GPN1: variants seen among roughly 807,000 people sequenced by gnomAD.
GPN1 encodes the protein ATP(GTP)-binding protein.
A neutral mutation model predicts 55.9 loss-of-function variants in GPN1; 44 were observed. The ratio of observed to expected loss-of-function variants is 0.79; its 90% confidence interval spans 0.62 to 1.01. The LOEUF (loss-of-function observed/expected upper bound fraction) is 1.01. Ranked by LOEUF, GPN1 falls within the 50% of genes least tolerant of loss-of-function variation. The pLI is 0.00. For missense variants in GPN1, 466 were observed against 462.8 expected, an observed-to-expected ratio of 1.01 and a Z score of -0.06; for synonymous variants, 179 against 162.5, an observed-to-expected ratio of 1.10 and a Z score of -0.77.
At chr2:27,631,242 TTC>T (rs1673541409) in intron 3 of GPN1, 176 bp downstream of exon 3, 1 of 596,034 alleles carries the variant, frequency 1.7e-6, no homozygotes, top group African/African-American at 1.9e-5. Context: ...GATTTTAGTT[TTC>T]TTACCATCTC....
rs1229863307 is a variant in GPN1, at chr2:27,642,632, C to T, written c.931+113C>T. ...ACTCTTGTTGCCCAGGCTGGAGTCT[C>T]GGCTCACCACAACCTCCACCTCCCA... is the stretch of plus-strand genomic sequence containing the variant. On this transcript the variant is annotated intron_variant, in intron 12 of 13. Coordinates refer to ENST00000610189, the MANE Select transcript of GPN1 (RefSeq NM_007266.4). The T allele has an allele frequency of 2.9e-5, 19 of 653,876 alleles. No individual in the cohort carries two copies. In the East Asian group the frequency reaches 3.4e-4, roughly 12 times the overall value. The allele number at this position is 653,876 out of a possible 1,614,324, so 40.5% of individuals were successfully genotyped here.
Position 27,634,871 on chromosome 2 carries a change from C to G in GPN1, c.376C>G (p.Gln126Glu). ...ATATGTGTTGATTGACACACCTGGA[C>G]AGATTGAGGTATTCACCTGGTCAGC... is the stretch of plus-strand genomic sequence containing the variant. ...SKYVLIDTPG[Q>E]IEVFTWSASG... Residue 126 changes from glutamine to glutamate, a missense_variant, in exon 6 of 14, where the codon CAG becomes GAG. Physicochemically the swap from Gln to Glu is conservative, Grantham distance 29. Coordinates refer to ENST00000610189, the MANE Select transcript of GPN1 (RefSeq NM_007266.4). 3.1e-6 allele frequency: 5 copies of G among 1,595,120 alleles called. No homozygotes were observed. The highest frequency in any genetic ancestry group is 3.4e-6 in the Non-Finnish European group (4 of 1,162,694).
rs1297764271 is a variant in GPN1, at chr2:27,644,723, G to GTTTT, written c.931+2221_931+2224dup. The stretch of plus-strand genomic sequence containing the variant: ...CTTAGTGAGTTTTTTTTTTGGTAGT[G>GTTTT]TTTTTTTTTTTTTTTTTTTTACAGA... On this transcript the variant is annotated intron_variant, in intron 12 of 13. Transcript: ENST00000610189. Among the ~76,000 whole-genome samples the GTTTT allele has an allele frequency of 2.1e-4, 21 of 101,738 alleles. 1 individual carries two copies. The highest frequency in any genetic ancestry group is 6.6e-4 in the African/African-American group (17 of 25,810). The allele number at this position is 101,738 out of a possible 152,430, so 66.7% of individuals were successfully genotyped here. A position where few individuals can be genotyped will look rare whatever the true frequency, so the allele number is the denominator to read the frequency against.
rs1673838065 is a variant in GPN1 at position 27,638,953 on chromosome 2, G to C, written c.639G>C (p.Leu213Phe). The C allele has an allele frequency of 1.2e-6, 2 of 1,613,332 alleles. No homozygotes were observed. Among genetic ancestry groups the C allele is most frequent in the African/African-American group, 2.7e-5 (2 of 74,904 alleles). ...MQDFEAFQDA[L>F]NQETTYVSNL... is the part of the protein sequence containing the mutation. ...ATTTTGAGGCTTTCCAAGATGCCTT[G>C]AATCAAGAGACTACATACGTCAGTA... The change falls in exon 9 of 14, where the codon TTG becomes TTC. Residue 213 changes from leucine to phenylalanine, a missense_variant. Coordinates refer to ENST00000610189, the MANE Select transcript of GPN1 (RefSeq NM_007266.4).
chr2:27,651,273 A>G lies in GPN1; in HGVS notation c.*1073A>G, dbSNP rs567345403. 13 of 152,330 alleles carry G rather than the reference A, an allele frequency of 8.5e-5. No homozygotes were observed. The highest frequency in any genetic ancestry group is 7.2e-4 in the Admixed American group (11 of 15,300). The allele number at this position is 152,330 out of a possible 1,614,324, so 9.4% of individuals were successfully genotyped here. A position where few individuals can be genotyped will look rare whatever the true frequency, so the allele number is the denominator to read the frequency against. On this transcript the variant is annotated 3_prime_UTR_variant, in exon 14 of 14. Transcript: ENST00000610189. ...TCAGCATCATCTGGGGAATTGTTCAACTTACCTCTTATAACCTATGAACTC... is the reference window on the plus strand; with the variant it reads ...TCAGCATCATCTGGGGAATTGTTCAGCTTACCTCTTATAACCTATGAACTC...
At chr2:27,647,628 T>G (rs368703236) in intron 12 of GPN1, among the ~76,000 whole-genome samples, 1 of 152,252 alleles carries the variant, frequency 6.6e-6, no homozygotes, top group East Asian at 1.9e-4. Flanking sequence ...ATGGGACTCC[T>G]AGGGCTATTT....
rs771357484 is a variant in GPN1 at position 27,629,052 on chromosome 2, G to C, written c.-7G>C. The C allele has an allele frequency of 6.2e-7, 1 of 1,614,194 alleles. No individual in the cohort carries two copies. Among genetic ancestry groups the C allele is most frequent in the East Asian group, 2.2e-5 (1 of 44,882 alleles). ...TCTATGGTCGGGTGGGTGGGGCCAG[G>C]AGGAAGATGGCGGCGTCCGCAGCTG... is the stretch of plus-strand genomic sequence containing the variant. On this transcript the variant is annotated 5_prime_UTR_variant, in exon 1 of 14. Coordinates refer to ENST00000610189, the MANE Select transcript of GPN1 (RefSeq NM_007266.4).
At chr2:27,630,933 C>G in intron 2 of GPN1, 94 bp from the exon 3 acceptor site, 1 of 714,636 alleles carries the variant, frequency 1.4e-6, no homozygotes, top group Non-Finnish European at 2.6e-6. Flanking sequence ...GAAGAGAATG[C>G]TGACAGGAGA....
At chr2:27,628,969 T>C (rs542814806), upstream of GPN1, 79 of 1,581,228 alleles carry the variant, frequency 5.0e-5, no homozygotes, top group East Asian at 1.3e-3. Flanking sequence ...TCTGACGCTG[T>C]GGTGGTTTTC....
intron 13 of GPN1, 31 bp downstream of exon 13, chr2:27,647,974 C>T (rs1342229914): frequency 2.5e-6 from 3 of 1,203,014 alleles, no homozygotes; most frequent in Non-Finnish European, 3.7e-6. Context: ...CCCGTGGCAA[C>T]AGAGCATCTG....
At chr2:27,637,983 A>G (rs1485413800) in intron 7 of GPN1, among the ~76,000 whole-genome samples, 1 of 152,202 alleles carries the variant, frequency 6.6e-6, no homozygotes, top group Non-Finnish European at 1.5e-5. Context: ...AAACAAGTTC[A>G]ATATTAAGGC....
chr2:27,651,267 T>G lies in GPN1; in HGVS notation c.*1067T>G, dbSNP rs1344957533. 6.6e-6 allele frequency: 1 copy of G among 152,272 alleles called. No individual in the cohort carries two copies. Among genetic ancestry groups the G allele is most frequent in the African/African-American group, 2.4e-5 (1 of 41,462 alleles). The allele number at this position is 152,272 out of a possible 1,614,324, so 9.4% of individuals were successfully genotyped here. On this transcript the variant is annotated 3_prime_UTR_variant, in exon 14 of 14. Coordinates refer to ENST00000610189, the MANE Select transcript of GPN1 (RefSeq NM_007266.4). ...GGAGCATCAGCATCATCTGGGGAAT[T>G]GTTCAACTTACCTCTTATAACCTAT...
chr2:27,638,593 A>G (rs1052172710), intron 8 of GPN1, among the ~76,000 whole-genome samples: 16 of 152,200 alleles, frequency 1.1e-4, no homozygotes, highest in African/African-American at 3.9e-4. Context: ...GTTGATGGCT[A>G]GGATGCAAGA....
chr2:27,640,273 G>C, intron 10 of GPN1, 148 bp downstream of exon 10: 2 of 659,786 alleles, frequency 3.0e-6, no homozygotes, highest in Non-Finnish European at 5.4e-6. Flanking sequence ...ACCACACTTA[G>C]GGGTGACAAG....
chr2:27,644,118 T>C (rs1053180076), intron 12 of GPN1, among the ~76,000 whole-genome samples: 1 of 152,288 alleles, frequency 6.6e-6, no homozygotes, highest in South Asian at 2.1e-4. Context: ...GAAGTTGCAG[T>C]GAGCAAAGAT....
At chr2:27,639,951 AC>A in intron 9 of GPN1, 91 bp from the exon 10 acceptor site, 1 of 920,158 alleles carries the variant, frequency 1.1e-6, no homozygotes, top group Non-Finnish European at 1.8e-6. Context: ...AACCACTCTT[AC>A]TAAGATTTTA....
At chr2:27,628,277 C>A (rs1457435318), upstream of GPN1, 7 of 1,012,812 alleles carry the variant, frequency 6.9e-6, no homozygotes, top group Non-Finnish European at 9.8e-6. Flanking sequence ...GTCACAGAAA[C>A]AGACTGGGTG....
intron 7 of GPN1, among the ~76,000 whole-genome samples, 174 bp from the exon 8 acceptor site, chr2:27,638,036 G>C (rs1382076675): frequency 6.6e-6 from 1 of 152,118 alleles, no homozygotes; most frequent in Admixed American, 6.5e-5. Context: ...TGTTGCTTCT[G>C]GGTGGTAGTT....
chr2:27,647,816 G>C lies in GPN1; in HGVS notation c.932-20G>C. The C allele has an allele frequency of 7.0e-7, 1 of 1,423,162 alleles. No homozygotes were observed. The highest frequency in any genetic ancestry group is 9.9e-7 in the Non-Finnish European group (1 of 1,005,984). The allele number at this position is 1,423,162 out of a possible 1,614,324, so 88.2% of individuals were successfully genotyped here. A position where few individuals can be genotyped will look rare whatever the true frequency, so the allele number is the denominator to read the frequency against. On this transcript the variant is annotated intron_variant, in intron 12 of 13. Transcript: ENST00000610189. Reference sequence around the variant, plus strand: ...CACCTTTTTGAGGAGGCATATCACTGATAGGTGTTTTCACTGTAGACAGCT... The same window carrying C: ...CACCTTTTTGAGGAGGCATATCACTCATAGGTGTTTTCACTGTAGACAGCT...
Sources: gnomAD v4.1 joint callset for allele counts (sites outside exome capture counted in the v4.1 genomes callset) on GRCh38, gnomAD v4.1.1 for gene constraint, MANE v1.5 for transcripts, NCBI Gene and HGNC (gene_info 2026-07-23, HGNC 2026-07-21) for gene names.